The following IRAG1 variants were observed in gnomAD, a reference collection of about 807,000 sequenced individuals.
The protein encoded by IRAG1 is IP3R-associated cGMP kinase substrate.
In IRAG1, 62 loss-of-function variants were observed where a neutral mutation model predicts 106.2. The observed-to-expected ratio is 0.58, with a 90% confidence interval of 0.48 to 0.72. The LOEUF (loss-of-function observed/expected upper bound fraction) is 0.72, where lower values mean the gene tolerates loss of function less well. Among genes scored for constraint, IRAG1 ranks in the 30% least tolerant of loss-of-function variants. The pLI is 0.00. For synonymous variants in IRAG1, 462 were observed against 443.9 expected (o/e 1.04, Z -0.51); for missense variants, 1,064 against 1,140.7 (o/e 0.93, Z 0.97).
At chr11:10,663,565 G>A (rs1012379558) in intron 1 of IRAG1, among the ~76,000 whole-genome samples, 1 of 152,162 alleles carries the variant, frequency 6.6e-6, no homozygotes, top group Non-Finnish European at 1.5e-5. Flanking sequence ...CCTCCTCCAG[G>A]AAGGCTTCCC....
rs141853245 is a variant in IRAG1 at position 10,647,019 on chromosome 11, G to A, written c.225+5006C>T. ...ATGCAGCTTTGGTTGCTGGCCCCAC[G>A]AGCTTGTGCTCCTGAGGGGCTGGCA... On this transcript the variant is annotated intron_variant, in intron 2 of 20. Transcript: ENST00000423302. This position sits in a 1 kb window ranked among gnomAD's most constrained non-coding sequence, Gnocchi z 4.3. Among the ~76,000 whole-genome samples, 7 of 152,306 alleles carry A rather than the reference G, an allele frequency of 4.6e-5. No homozygotes were observed. The highest frequency in any genetic ancestry group is 2.1e-4 in the South Asian group (1 of 4,828).
At chr11:10,660,911 C>T (rs1859342096) in intron 1 of IRAG1, among the ~76,000 whole-genome samples, 1 of 152,206 alleles carries the variant, frequency 6.6e-6, no homozygotes, top group Admixed American at 6.5e-5. Flanking sequence ...CCATCCCTGG[C>T]ACCCCTGCCC....
intron 2 of IRAG1, among the ~76,000 whole-genome samples, chr11:10,635,198 G>A (rs1298522969): frequency 1.3e-5 from 2 of 152,190 alleles, no homozygotes; most frequent in African/African-American, 2.4e-5. Context: ...ATCGTAATTT[G>A]TTAGAAGACT....
rs536253074 is a variant in IRAG1 at position 10,622,171 on chromosome 11, A to C, written c.1447+1607T>G. Among the ~76,000 whole-genome samples the C allele has an allele frequency of 4.6e-5, 7 of 152,344 alleles. No individual in the cohort carries two copies. The East Asian group carries it at 1.2e-3, about 25-fold the overall frequency. On this transcript the variant is annotated intron_variant, in intron 10 of 20. Coordinates refer to ENST00000423302, the MANE Select transcript of IRAG1 (RefSeq NM_130385.4). ...CTCTGAAAAAGGGAGTACTATATAG[A>C]GTAAAATACAAAAGAAAGTCAAGAA...
intron 18 of IRAG1, among the ~76,000 whole-genome samples, chr11:10,588,584 C>G (rs1223428350): frequency 6.6e-6 from 1 of 152,222 alleles, no homozygotes; most frequent in African/African-American, 2.4e-5. Flanking sequence ...CTCTTGAGCT[C>G]AAGTCATCCA....
intron 2 of IRAG1, among the ~76,000 whole-genome samples, chr11:10,650,741 C>T (rs752689629): frequency 6.6e-6 from 1 of 152,196 alleles, no homozygotes; most frequent in Non-Finnish European, 1.5e-5. Flanking sequence ...TGATAAAACC[C>T]TGGGCTGGGC....
At chr11:10,591,445 G>T in intron 18 of IRAG1, 103 bp downstream of exon 18, 1 of 1,049,852 alleles carries the variant, frequency 9.5e-7, no homozygotes, top group South Asian at 1.4e-5. Context: ...AACTTAATTT[G>T]CTTTCCACTG....
intron 9 of IRAG1, among the ~76,000 whole-genome samples, 175 bp from the exon 10 acceptor site, chr11:10,624,031 C>T (rs1423144278): frequency 6.6e-6 from 1 of 152,156 alleles, no homozygotes; most frequent in Non-Finnish European, 1.5e-5. Context: ...GAAATAGTTC[C>T]TCTCCCAGTC....
intron 1 of IRAG1, among the ~76,000 whole-genome samples, chr11:10,687,990 C>T (rs1029087448): frequency 6.6e-6 from 1 of 151,634 alleles, no homozygotes. Context: ...TTTCTGGCCA[C>T]TGGCAAGACA....
chr11:10,589,809 C>T (rs1852437406), intron 18 of IRAG1, among the ~76,000 whole-genome samples: 1 of 152,182 alleles, frequency 6.6e-6, no homozygotes, highest in Non-Finnish European at 1.5e-5. Flanking sequence ...TATTGATCGT[C>T]ACCCATTGAC....
At chr11:10,581,204 A>G (rs1227823563) in intron 19 of IRAG1, among the ~76,000 whole-genome samples, 1 of 152,122 alleles carries the variant, frequency 6.6e-6, no homozygotes, top group African/African-American at 2.4e-5. Flanking sequence ...AGTGTCTAAC[A>G]CTAGCAGTTT....
At chr11:10,689,943 A>G (rs948838421) in intron 1 of IRAG1, among the ~76,000 whole-genome samples, 6 of 152,230 alleles carry the variant, frequency 3.9e-5, no homozygotes, top group African/African-American at 1.4e-4. Context: ...ATTTTCCAAG[A>G]AAGTCTAGCA....
At chr11:10,652,219 C>T (rs1564929568) in intron 1 of IRAG1, 37 bp from the exon 2 acceptor site, 1 of 1,607,114 alleles carries the variant, frequency 6.2e-7, no homozygotes, top group African/African-American at 1.3e-5. Context: ...AAATCCATTC[C>T]CATCCCTGTC....
At chr11:10,601,186 GAA>G (rs1853959510) in intron 14 of IRAG1, 127 bp from the exon 15 acceptor site, 1 of 1,332,132 alleles carries the variant, frequency 7.5e-7, no homozygotes, top group South Asian at 1.4e-5. Context: ...TCTGCCCTCT[GAA>G]GAGTTTGCTG....
At chr11:10,648,959 A>G (rs563750365) in intron 2 of IRAG1, among the ~76,000 whole-genome samples, 2 of 152,036 alleles carry the variant, frequency 1.3e-5, no homozygotes, top group Admixed American at 1.3e-4. Flanking sequence ...CTAGGGCTGG[A>G]CCCCGGGGAG....
At chr11:10,652,330 G>A (rs1858593345) in intron 1 of IRAG1, 148 bp from the exon 2 acceptor site, 1 of 1,446,504 alleles carries the variant, frequency 6.9e-7, no homozygotes, top group East Asian at 2.6e-5. Context: ...AGGGCATTTG[G>A]AATTTCATTT....
At chr11:10,652,626 T>C (rs1858613371) in intron 1 of IRAG1, among the ~76,000 whole-genome samples, 1 of 152,152 alleles carries the variant, frequency 6.6e-6, no homozygotes, top group Non-Finnish European at 1.5e-5. Context: ...ATTTTACAGA[T>C]GAGAGAACCG....
intron 13 of IRAG1, among the ~76,000 whole-genome samples, chr11:10,603,879 C>T (rs1854251682): frequency 6.6e-6 from 1 of 152,192 alleles, no homozygotes; most frequent in Non-Finnish European, 1.5e-5. Flanking sequence ...CAGAACCCGA[C>T]CATGCTGGTG....
chr11:10,579,798 T>C (rs1386533330), intron 20 of IRAG1, among the ~76,000 whole-genome samples: 1 of 152,166 alleles, frequency 6.6e-6, no homozygotes, highest in Non-Finnish European at 1.5e-5. Context: ...GAACCACAAG[T>C]GGGACAAGAT....
Sources: allele counts gnomAD v4.1 joint callset (sites outside exome capture counted in the v4.1 genomes callset), GRCh38; gene constraint gnomAD v4.1.1; non-coding constraint Gnocchi (gnomAD v3.1); transcripts MANE v1.5; gene names NCBI Gene and HGNC (gene_info 2026-07-23, HGNC 2026-07-21).